CROCC: variants seen among roughly 807,000 people sequenced by gnomAD.
The protein encoded by CROCC is rootletin.
Under a neutral mutation model 245.2 loss-of-function variants are expected in CROCC, and 180 were observed. That is an observed-to-expected ratio of 0.73 (90% CI 0.65 to 0.83). CROCC has a LOEUF of 0.83. Ranked by LOEUF, CROCC falls within the 40% of genes least tolerant of loss-of-function variation. CROCC has a pLI of 0.00. For synonymous variants in CROCC, 1,205 were observed against 1,241.6 expected, an observed-to-expected ratio of 0.97 and a Z score of 0.62; for missense variants, 2,688 against 2,779.4, an observed-to-expected ratio of 0.97 and a Z score of 0.74.
chr1:16,914,208 C>CT (rs1420364921), intron 1 of CROCC, among the ~76,000 whole-genome samples: 1 of 151,910 alleles, frequency 6.6e-6, no homozygotes, highest in Non-Finnish European at 1.5e-5. Context: ...GGCCGCGCGC[C>CT]TGGGGGCGGG....
intron 1 of CROCC, 83 bp downstream of exon 1, chr1:16,922,161 G>C: frequency 7.5e-7 from 1 of 1,324,728 alleles, no homozygotes; most frequent in Non-Finnish European, 1.0e-6. Context: ...TGTGCGTCTT[G>C]GGGATCAAGG....
In CROCC at chr1:16,965,712, TTCTC is replaced by T; in HGVS notation, c.4406-9_4406-6del. 6.3e-7 allele frequency: 1 copy of T among 1,590,572 alleles called. No individual in the cohort carries two copies. The highest frequency in any genetic ancestry group is 8.6e-7 in the Non-Finnish European group (1 of 1,160,340). ...TTCTGCATCACTGAGCAAGTCTTCT[TTCTC>T]TTCTAGGAAGCGGGGAAGGGCTCAA... is the stretch of plus-strand genomic sequence containing the variant. On this transcript the variant is annotated splice_region_variant and splice_polypyrimidine_tract_variant and intron_variant, in intron 27 of 36. Coordinates refer to ENST00000375541, the MANE Select transcript of CROCC (RefSeq NM_014675.5).
At chr1:16,914,149 G>A (rs1266530517) in intron 1 of CROCC, among the ~76,000 whole-genome samples, 3 of 151,280 alleles carry the variant, frequency 2.0e-5, no homozygotes, top group African/African-American at 4.8e-5. Flanking sequence ...TAGGTGGCCG[G>A]GGGCGCGCGC....
chr1:16,961,075 C>T lies in CROCC; in HGVS notation c.4350C>T (p.Pro1450=). The T allele has an allele frequency of 7.4e-7, 1 of 1,351,086 alleles. No individual in the cohort carries two copies. The highest frequency in any genetic ancestry group is 9.5e-7 in the Non-Finnish European group (1 of 1,055,354). 83.7% of individuals were successfully genotyped at this position (1,351,086 alleles called of 1,614,324 possible). ...LRRGLGLGRA[P]SPAPRPVPGS... ...GGGGCCTCGGCCTCGGTCGCGCGCCCAGCCCAGCCCCGCGGCCAGTGCCCG... is the reference window on the plus strand; with the variant it reads ...GGGGCCTCGGCCTCGGTCGCGCGCCTAGCCCAGCCCCGCGGCCAGTGCCCG... The change falls in exon 27 of 37, where the codon CCC becomes CCT. Residue 1450 remains proline, a synonymous_variant. Transcript: ENST00000375541.
At chr1:16,920,059 A>C (rs1385621391), upstream of CROCC, among the ~76,000 whole-genome samples, 1 of 149,246 alleles carries the variant, frequency 6.7e-6, no homozygotes, top group Non-Finnish European at 1.5e-5. Flanking sequence ...GCCCCAGCTA[A>C]TTTTTTTTAT....
At chr1:16,936,210 C>T (rs185099789) in intron 8 of CROCC, among the ~76,000 whole-genome samples, 186 of 152,238 alleles carry the variant, frequency 1.2e-3, no homozygotes, top group African/African-American at 4.0e-3. Context: ...CTCAGCTTCC[C>T]GCATAGCTGG....
At chr1:16,934,080 G>A (rs937671443) in intron 8 of CROCC, among the ~76,000 whole-genome samples, 1 of 152,250 alleles carries the variant, frequency 6.6e-6, no homozygotes, top group African/African-American at 2.4e-5. Context: ...GACTCCATAA[G>A]TAGAATGTGT....
Position 16,953,468 on chromosome 1 carries a change from G to A in CROCC, c.3173G>A (p.Ser1058Asn), listed in dbSNP as rs1206576750. ...ERDEGLLLAESEKQQALSLKE... is the reference protein window; with the variant it reads ...ERDEGLLLAENEKQQALSLKE... ...GACGAGGGCCTCCTCCTAGCAGAGA[G>A]TGAGAAGCAGCAGGTTCGTGAGCCC... The change falls in exon 21 of 37, where the codon AGT becomes AAT. Residue 1058 changes from serine (S) to asparagine (N), a missense_variant. Physicochemically the swap from Ser to Asn is conservative, Grantham distance 46 (BLOSUM62 1). Transcript: ENST00000375541. 6.2e-7 allele frequency: 1 copy of A among 1,606,216 alleles called. No individual in the cohort carries two copies. The highest frequency in any genetic ancestry group is 1.3e-5 in the African/African-American group (1 of 74,872).
At chr1:16,938,873 C>G in intron 11 of CROCC, 36 bp from the exon 12 acceptor site, 2 of 1,593,426 alleles carry the variant, frequency 1.3e-6, no homozygotes, top group South Asian at 1.1e-5. Context: ...GTTCCTAACT[C>G]AGCAGCCTCC....
intron 12 of CROCC, among the ~76,000 whole-genome samples, chr1:16,939,449 GGAGACAGGTCCCTGGTCATACA>G (rs1172315922): frequency 2.6e-5 from 4 of 152,218 alleles, no homozygotes; most frequent in Non-Finnish European, 5.9e-5. Context: ...TGGTAGAGAG[GGAGACAGGTCCCTGGTCATACA>G]GAGCCAGGAC....
intron 12 of CROCC, 92 bp downstream of exon 12, chr1:16,939,234 G>A: frequency 1.9e-6 from 2 of 1,030,568 alleles, no homozygotes; most frequent in South Asian, 2.2e-5. Flanking sequence ...GGGCAGGTCC[G>A]GGGCCAGGGT....
intron 8 of CROCC, among the ~76,000 whole-genome samples, chr1:16,933,042 C>A (rs1236934455): frequency 6.6e-6 from 1 of 152,190 alleles, no homozygotes; most frequent in Non-Finnish European, 1.5e-5. Context: ...AACTCCTGAG[C>A]CCAAGTGATC....
chr1:16,919,299 T>C (rs1359831226), upstream of CROCC, among the ~76,000 whole-genome samples: 1 of 152,300 alleles, frequency 6.6e-6, no homozygotes, highest in Non-Finnish European at 1.5e-5. Flanking sequence ...CTAAGTGGAA[T>C]GAGCTTTGGG....
intron 3 of CROCC, among the ~76,000 whole-genome samples, chr1:16,926,898 A>G (rs565653864): frequency 2.0e-5 from 3 of 152,386 alleles, no homozygotes; most frequent in Admixed American, 6.5e-5. Flanking sequence ...TTGAATTGCA[A>G]GTAAAATTGA....
In CROCC at chr1:16,966,585, G is replaced by C; in HGVS notation, c.4860+14G>C. 6.8e-7 allele frequency: 1 copy of C among 1,464,018 alleles called. No homozygotes were observed. The highest frequency in any genetic ancestry group is 9.0e-7 in the Non-Finnish European group (1 of 1,110,142). The allele number at this position is 1,464,018 out of a possible 1,614,324, so 90.7% of individuals were successfully genotyped here. A position where few individuals can be genotyped will look rare whatever the true frequency, so the allele number is the denominator to read the frequency against. ...CGGGCCAGCCAGGTGGGCAGGAGCT[G>C]AGGGCCAGCGGGGCGACGGGGAATC... On this transcript the variant is annotated intron_variant, in intron 30 of 36. Coordinates refer to ENST00000375541, the MANE Select transcript of CROCC (RefSeq NM_014675.5). The surrounding 1 kb of genome is among the most constrained non-coding windows in gnomAD (Gnocchi z 4.8).
chr1:16,939,368 G>T (rs2075869793), intron 12 of CROCC, among the ~76,000 whole-genome samples: 1 of 152,258 alleles, frequency 6.6e-6, no homozygotes, highest in Admixed American at 6.5e-5. Context: ...AGAAGTGGGG[G>T]TGCTTGGGCA....
Position 16,954,362 on chromosome 1 carries a change from G to C in CROCC, c.3321+5G>C. 1 of 1,607,482 alleles carries C rather than the reference G, an allele frequency of 6.2e-7. No individual in the cohort carries two copies. ...AGCCGGCAGGAGCAGGACCGGGTAG[G>C]GCAGGCTGGGCAGCTGGGCCTCTGT... is the stretch of plus-strand genomic sequence containing the variant. On this transcript the variant is annotated splice_donor_5th_base_variant and intron_variant, in intron 22 of 36. Coordinates refer to ENST00000375541, the MANE Select transcript of CROCC (RefSeq NM_014675.5). This position sits in a 1 kb window ranked among gnomAD's most constrained non-coding sequence, Gnocchi z 4.4.
chr1:16,921,925 C>T, upstream of CROCC: 2 of 1,308,110 alleles, frequency 1.5e-6, no homozygotes, highest in Non-Finnish European at 1.1e-6. Context: ...CTGCCTGGTG[C>T]TCAGCACAGC....
At chr1:16,934,567 T>C (rs1246324272) in intron 8 of CROCC, among the ~76,000 whole-genome samples, 17 of 152,384 alleles carry the variant, frequency 1.1e-4, no homozygotes, top group Non-Finnish European at 2.1e-4. Flanking sequence ...CCTCCGAAAG[T>C]GCTGGAATTA....
Sources: gnomAD v4.1 joint callset for allele counts (sites outside exome capture counted in the v4.1 genomes callset) on GRCh38, gnomAD v4.1.1 for gene constraint, Gnocchi (gnomAD v3.1) non-coding constraint, MANE v1.5 for transcripts, NCBI Gene and HGNC (gene_info 2026-07-23, HGNC 2026-07-21) for gene names.